B3GAT2: variants seen among roughly 807,000 people sequenced by gnomAD.
B3GAT2 encodes the protein beta-1,3-glucuronyltransferase 2.
In B3GAT2, 26 loss-of-function variants were observed where a neutral mutation model predicts 27.8. The ratio of observed to expected loss-of-function variants is 0.93; its 90% confidence interval spans 0.68 to 1.30. The LOEUF (loss-of-function observed/expected upper bound fraction) is 1.30, where lower values mean the gene tolerates loss of function less well. Among genes scored for constraint, B3GAT2 ranks in the 50% most tolerant of loss-of-function variants. The probability of loss-of-function intolerance (pLI) is 0.00; values close to 1 mark genes in which losing one functional copy is unlikely to be tolerated. For missense variants in B3GAT2, 458 were observed against 459.0 expected (o/e 1.00, Z 0.02); for synonymous variants, 218 against 195.1 (o/e 1.12, Z -0.98).
At chr6:70,895,833 CTTTTT>C (rs11412558) in intron 1 of B3GAT2, among the ~76,000 whole-genome samples, 2 of 147,412 alleles carry the variant, frequency 1.4e-5, no homozygotes, top group African/African-American at 2.5e-5. Context: ...ACTTTTACAA[CTTTTT>C]TTTTTTTTAA....
chr6:70,944,921 A>C (rs1384320335), intron 1 of B3GAT2, among the ~76,000 whole-genome samples: 1 of 152,106 alleles, frequency 6.6e-6, no homozygotes, highest in Non-Finnish European at 1.5e-5. Flanking sequence ...TCACGAAAAT[A>C]CGCTGTTCTG....
intron 1 of B3GAT2, among the ~76,000 whole-genome samples, chr6:70,903,776 T>A (rs556207138): frequency 4.4e-4 from 67 of 151,898 alleles, no homozygotes; most frequent in Non-Finnish European, 9.3e-4. Flanking sequence ...TAATTAGGTC[T>A]CATATACATT....
intron 1 of B3GAT2, among the ~76,000 whole-genome samples, chr6:70,937,065 G>C (rs992815638): frequency 5.3e-5 from 8 of 151,956 alleles, no homozygotes; most frequent in Non-Finnish European, 1.2e-4. Context: ...AATGATAAAG[G>C]GGATATCACC....
intron 2 of B3GAT2, among the ~76,000 whole-genome samples, chr6:70,867,018 C>T (rs1771862465): frequency 6.6e-6 from 1 of 151,916 alleles, no homozygotes; most frequent in Admixed American, 6.6e-5. Flanking sequence ...ACAAAGATAC[C>T]TGGAAAATAT....
intron 2 of B3GAT2, among the ~76,000 whole-genome samples, chr6:70,892,975 T>G (rs890454617): frequency 6.6e-6 from 1 of 151,800 alleles, no homozygotes; most frequent in Non-Finnish European, 1.5e-5. Flanking sequence ...ACAGCTGGAG[T>G]AACAGAGGGA....
chr6:70,872,229 T>C (rs564561430), intron 2 of B3GAT2, among the ~76,000 whole-genome samples: 2 of 152,110 alleles, frequency 1.3e-5, no homozygotes, highest in East Asian at 3.9e-4. Flanking sequence ...ACAGTGTTTT[T>C]CAAGTCTTCT....
Position 70,955,869 on chromosome 6 carries a change from G to A in B3GAT2, c.561C>T (p.Asp187=), listed in dbSNP as rs1765646072. Residue 187 remains aspartate, a synonymous_variant, in exon 1 of 4, where the codon GAC becomes GAT. Coordinates refer to ENST00000230053, the MANE Select transcript of B3GAT2 (RefSeq NM_080742.3). ...QPGVLFFADD[D]NTYSLELFQE... ...GGAAGAGCTCCAGACTATAGGTGTT[G>A]TCGTCGTCAGCGAAGAAGAGCACGC... 1.2e-6 allele frequency: 2 copies of A among 1,603,818 alleles called. No individual in the cohort carries two copies. Among genetic ancestry groups the A allele is most frequent in the Admixed American group, 1.7e-5 (1 of 59,462 alleles).
chr6:70,907,729 C>T (rs1349442297), intron 1 of B3GAT2, among the ~76,000 whole-genome samples: 1 of 152,198 alleles, frequency 6.6e-6, no homozygotes, highest in Non-Finnish European at 1.5e-5. Context: ...GGTGACTTTA[C>T]AAGTCATGTG....
At chr6:70,947,388 AT>A (rs1765506371) in intron 1 of B3GAT2, among the ~76,000 whole-genome samples, 1 of 152,154 alleles carries the variant, frequency 6.6e-6, no homozygotes, top group Admixed American at 6.5e-5. Flanking sequence ...AAAAAAAATG[AT>A]AAAGGGGATA....
chr6:70,956,474 C>T lies in B3GAT2; in HGVS notation c.-45G>A. 1 of 1,548,582 alleles carries T rather than the reference C, an allele frequency of 6.5e-7. No homozygotes were observed. The highest frequency in any genetic ancestry group is 1.2e-5 in the South Asian group (1 of 83,882). On this transcript the variant is annotated 5_prime_UTR_variant, in exon 1 of 4. Coordinates refer to ENST00000230053, the MANE Select transcript of B3GAT2 (RefSeq NM_080742.3). ...CTCGGACACCCCAGAGAGGGGCGAG[C>T]CGAGGGACCCCAGTGCGCAGCTTGG...
In B3GAT2 at chr6:70,945,240, TGA is replaced by T. The variant is rs1765460471; in HGVS notation, c.591+10597_591+10598del. Among the ~76,000 whole-genome samples, 7 of 152,244 alleles carry T rather than the reference TGA, an allele frequency of 4.6e-5. No individual in the cohort carries two copies. The South Asian group carries it at 1.5e-3, about 32-fold the overall frequency. ...TGGACAGAGAATGACTTTGACGAGTTGAGAGAAGAAGGCTTCAGACGTTCAAA... is the reference window on the plus strand; with the variant it reads ...TGGACAGAGAATGACTTTGACGAGTTGAGAAGAAGGCTTCAGACGTTCAAA... On this transcript the variant is annotated intron_variant, in intron 1 of 3. Coordinates refer to ENST00000230053, the MANE Select transcript of B3GAT2 (RefSeq NM_080742.3).
rs757160755 is a variant in B3GAT2, at chr6:70,856,952, G to A, written c.*4711C>T. 1 of 1,613,978 alleles carries A rather than the reference G, an allele frequency of 6.2e-7. No homozygotes were observed. The highest frequency in any genetic ancestry group is 8.5e-7 in the Non-Finnish European group (1 of 1,179,884). ...TGAGCAAACTACAAAATCAGAAGAA[G>A]TGGCAAAGAAACAACTTTCCAAAGA... On this transcript the variant is annotated 3_prime_UTR_variant, in exon 4 of 4. Transcript: ENST00000230053.
chr6:70,858,302 T>G lies in B3GAT2; in HGVS notation c.*3361A>C. 1.2e-5 allele frequency: 16 copies of G among 1,331,998 alleles called. No individual in the cohort carries two copies. The highest frequency in any genetic ancestry group is 2.6e-5 in the East Asian group (1 of 38,888). The allele number at this position is 1,331,998 out of a possible 1,614,324, so 82.5% of individuals were successfully genotyped here. ...TTTTCTAAATCTTTTTTTTTTTTTT[T>G]TTTTTTTTTTTTTAAGTCTAGTGAT... On this transcript the variant is annotated 3_prime_UTR_variant, in exon 4 of 4. Coordinates refer to ENST00000230053, the MANE Select transcript of B3GAT2 (RefSeq NM_080742.3).
chr6:70,933,461 C>A (rs1412447479), intron 1 of B3GAT2, among the ~76,000 whole-genome samples: 1 of 152,136 alleles, frequency 6.6e-6, no homozygotes, highest in Non-Finnish European at 1.5e-5. Flanking sequence ...CCCAAATACT[C>A]TGATGACTGT....
chr6:70,930,408 C>T (rs967480896), intron 1 of B3GAT2, among the ~76,000 whole-genome samples: 13 of 152,110 alleles, frequency 8.5e-5, no homozygotes, highest in Non-Finnish European at 1.8e-4. Flanking sequence ...AATAGGCAAC[C>T]CACAGAATGG....
At chr6:70,900,593 C>T (rs968029220) in intron 1 of B3GAT2, among the ~76,000 whole-genome samples, 4 of 152,158 alleles carry the variant, frequency 2.6e-5, no homozygotes, top group Non-Finnish European at 2.9e-5. Context: ...CTATGTTGCC[C>T]TGGCTGGCAG....
At chr6:70,887,711 T>C (rs112121471) in intron 2 of B3GAT2, among the ~76,000 whole-genome samples, 3,546 of 152,244 alleles carry the variant, frequency 0.023, 59 homozygotes, top group South Asian at 0.053. Flanking sequence ...CAGCACATTA[T>C]AACACGGGAG....
At chr6:70,920,627 T>C (rs1276283387) in intron 1 of B3GAT2, among the ~76,000 whole-genome samples, 1 of 152,244 alleles carries the variant, frequency 6.6e-6, no homozygotes, top group East Asian at 1.9e-4. Context: ...ATTTTGCATG[T>C]TTACTTTTAA....
intron 1 of B3GAT2, among the ~76,000 whole-genome samples, chr6:70,900,898 A>G (rs1772487021): frequency 6.6e-6 from 1 of 152,268 alleles, no homozygotes; most frequent in African/African-American, 2.4e-5. Flanking sequence ...TGGAGTTACA[A>G]TAAAAAATGT....
Sources: allele counts gnomAD v4.1 joint callset (sites outside exome capture counted in the v4.1 genomes callset), GRCh38; gene constraint gnomAD v4.1.1; transcripts MANE v1.5; gene names NCBI Gene and HGNC (gene_info 2026-07-23, HGNC 2026-07-21).